The following SIK3 variants were observed in gnomAD, a reference collection of about 807,000 sequenced individuals.
The protein encoded by SIK3 is serine/threonine-protein kinase SIK3.
A neutral mutation model predicts 144.2 loss-of-function variants in SIK3; 28 were observed. The ratio of observed to expected loss-of-function variants is 0.19; its 90% confidence interval spans 0.14 to 0.27. The LOEUF (loss-of-function observed/expected upper bound fraction) is 0.27. Ranked by LOEUF, SIK3 falls within the 10% of genes least tolerant of loss-of-function variation. SIK3 has a pLI of 1.00. For missense variants in SIK3, 1,319 were observed against 1,776.0 expected, an observed-to-expected ratio of 0.74 and a Z score of 4.62; for synonymous variants, 686 against 676.3, an observed-to-expected ratio of 1.01 and a Z score of -0.22.
At chr11:116,975,012 A>C (rs1285616578) in intron 1 of SIK3, among the ~76,000 whole-genome samples, 1 of 152,112 alleles carries the variant, frequency 6.6e-6, no homozygotes, top group African/African-American at 2.4e-5. Flanking sequence ...ATTTGTTTTA[A>C]TCTGTTGATC....
chr11:116,906,809 A>G (rs542606018), intron 4 of SIK3, among the ~76,000 whole-genome samples: 1 of 152,376 alleles, frequency 6.6e-6, no homozygotes, highest in East Asian at 1.9e-4. Flanking sequence ...AATATAATCC[A>G]GATCCATTCA....
chr11:117,042,270 T>C (rs1486266059), intron 1 of SIK3, among the ~76,000 whole-genome samples: 1 of 152,190 alleles, frequency 6.6e-6, no homozygotes, highest in African/African-American at 2.4e-5. Flanking sequence ...TTAAAACCTA[T>C]TTGCAGACAG....
At chr11:117,066,465 TTATA>T (rs1954023090) in intron 1 of SIK3, among the ~76,000 whole-genome samples, 1 of 151,734 alleles carries the variant, frequency 6.6e-6, no homozygotes, top group South Asian at 2.1e-4. Flanking sequence ...CGTAAAGCAT[TTATA>T]TAACACAGGA....
At chr11:116,972,111 T>G (rs1198056332) in intron 1 of SIK3, among the ~76,000 whole-genome samples, 3 of 148,152 alleles carry the variant, frequency 2.0e-5, no homozygotes, top group Admixed American at 2.0e-4. Flanking sequence ...AAGAAAAGAA[T>G]AATTACAGGC....
intron 1 of SIK3, among the ~76,000 whole-genome samples, chr11:117,034,257 A>T (rs950898370): frequency 6.6e-6 from 1 of 152,230 alleles, no homozygotes; most frequent in African/African-American, 2.4e-5. Flanking sequence ...TATTGAATAA[A>T]CATACTGCCC....
intron 1 of SIK3, among the ~76,000 whole-genome samples, chr11:117,062,185 C>CTTT (rs1953825351): frequency 6.6e-6 from 1 of 151,958 alleles, no homozygotes; most frequent in South Asian, 2.1e-4. Flanking sequence ...ATTAGCCAGG[C>CTTT]GTGAACTCCA....
At chr11:116,878,196 C>T (rs544917569) in intron 6 of SIK3, among the ~76,000 whole-genome samples, 1 of 152,254 alleles carries the variant, frequency 6.6e-6, no homozygotes, top group South Asian at 2.1e-4. Flanking sequence ...AGTCTCCTAC[C>T]CGGTCTTTCT....
chr11:117,083,532 T>C (rs768900533), intron 1 of SIK3, among the ~76,000 whole-genome samples: 2 of 152,138 alleles, frequency 1.3e-5, no homozygotes, highest in African/African-American at 2.4e-5. Context: ...AAATGGAAAG[T>C]AAGCCAAGAA....
At chr11:117,038,652 C>T (rs754232701) in intron 1 of SIK3, among the ~76,000 whole-genome samples, 11 of 152,032 alleles carry the variant, frequency 7.2e-5, no homozygotes, top group Non-Finnish European at 1.5e-4. Context: ...CGCACCTGGC[C>T]GCTACAAGAT....
intron 4 of SIK3, among the ~76,000 whole-genome samples, chr11:116,909,018 T>C (rs986066735): frequency 6.6e-6 from 1 of 152,202 alleles, no homozygotes; most frequent in African/African-American, 2.4e-5. Context: ...GCTTTTAAAA[T>C]AGCTATTAAT....
intron 1 of SIK3, among the ~76,000 whole-genome samples, chr11:117,037,885 A>T (rs1452233594): frequency 6.6e-6 from 1 of 152,210 alleles, no homozygotes; most frequent in Non-Finnish European, 1.5e-5. Context: ...GTTAATTCCT[A>T]TGCTAAGCAC....
chr11:116,858,073 T>C lies in SIK3; in HGVS notation c.3392A>G (p.Tyr1131Cys), dbSNP rs754033200. 1 of 1,613,848 alleles carries C rather than the reference T, an allele frequency of 6.2e-7. No homozygotes were observed. Among genetic ancestry groups the C allele is most frequent in the Non-Finnish European group, 8.5e-7 (1 of 1,179,834 alleles). ...ATGCATCAGTGCCGGCTGGTGAGCA[T>C]ACCCGTGGGGCGGGGTGGGTGAGGA... is the stretch of plus-strand genomic sequence containing the variant. ...QASSPTPPHG[Y>C]AHQPALMHSE... is the part of the protein sequence containing the mutation. The change falls in exon 21 of 25, where the codon TAT becomes TGT. Residue 1131 changes from tyrosine (Y) to cysteine (C), a missense_variant. Tyr to Cys is a radical substitution (Grantham distance 194). Around this residue, in one of 8 missense-constraint regions of SIK3, gnomAD observed 646 missense variants for 763.7 expected, o/e 0.85. Transcript: ENST00000445177. The surrounding 1 kb of genome is among the most constrained non-coding windows in gnomAD (Gnocchi z 5.4).
chr11:116,975,161 T>C (rs1284429779), intron 1 of SIK3, among the ~76,000 whole-genome samples: 1 of 151,902 alleles, frequency 6.6e-6, no homozygotes. Context: ...AGAATTTCCC[T>C]GCTTTCTTTG....
chr11:117,094,222 A>G (rs1252194281), intron 1 of SIK3, among the ~76,000 whole-genome samples: 7 of 152,230 alleles, frequency 4.6e-5, no homozygotes, highest in Admixed American at 2.0e-4. Context: ...CCACAAACCA[A>G]TAACAGGCAA....
chr11:116,964,334 T>G (rs1408093784), intron 1 of SIK3, among the ~76,000 whole-genome samples: 1 of 152,102 alleles, frequency 6.6e-6, no homozygotes, highest in Non-Finnish European at 1.5e-5. Context: ...TATTTCAGCT[T>G]GAAACAATTA....
At position 116,877,001 on chromosome 11, in the gene SIK3, T is replaced by C; in HGVS notation, c.907A>G (p.Asn303Asp). The change falls in exon 7 of 25, where the codon AAT becomes GAT. Residue 303 changes from asparagine to aspartate, a missense_variant. Physicochemically the swap from Asn to Asp is conservative, Grantham distance 23. This residue lies in a region of SIK3 where 34 missense variants were observed against 56.1 expected (regional missense o/e 0.61). Coordinates refer to ENST00000445177, the MANE Select transcript of SIK3 (RefSeq NM_001366686.3). The stretch of plus-strand genomic sequence containing the variant: ...ATCTGCTCCATGGAGAGGCGCTTAT[T>C]GGGATCTAACACCAACATATGGCGG... ...LIRHMLVLDPNKRLSMEQICK... is the reference protein window; with the variant it reads ...LIRHMLVLDPDKRLSMEQICK... The C allele has an allele frequency of 6.2e-7, 1 of 1,614,192 alleles. No individual in the cohort carries two copies. The highest frequency in any genetic ancestry group is 8.5e-7 in the Non-Finnish European group (1 of 1,180,026).
intron 1 of SIK3, among the ~76,000 whole-genome samples, chr11:117,066,625 A>T (rs2135980279): frequency 6.6e-6 from 1 of 151,458 alleles, no homozygotes; most frequent in East Asian, 1.9e-4. Flanking sequence ...AGCCTTAAAC[A>T]GCTAGGCTCA....
At chr11:116,905,544 G>T (rs1945983775) in intron 4 of SIK3, among the ~76,000 whole-genome samples, 1 of 152,166 alleles carries the variant, frequency 6.6e-6, no homozygotes, top group Admixed American at 6.5e-5. Flanking sequence ...ATCCAAAGTG[G>T]CCGTACCATT....
chr11:116,955,955 T>G, intron 2 of SIK3, among the ~76,000 whole-genome samples: 1 of 152,270 alleles, frequency 6.6e-6, no homozygotes, highest in African/African-American at 2.4e-5. Context: ...AGCTTGCCCA[T>G]AGAGCCTTGG....
Sources: allele counts gnomAD v4.1 joint callset (sites outside exome capture counted in the v4.1 genomes callset), GRCh38; gene constraint gnomAD v4.1.1; regional missense constraint gnomAD v4.1.1; non-coding constraint Gnocchi (gnomAD v3.1); transcripts MANE v1.5; gene names NCBI Gene and HGNC (gene_info 2026-07-23, HGNC 2026-07-21).